CRK: variants seen among roughly 807,000 people sequenced by gnomAD.
The protein encoded by CRK is adapter molecule crk.
CRK carries 4 observed loss-of-function variants against 29.8 expected under a neutral mutation model. The ratio of observed to expected loss-of-function variants is 0.13; its 90% CI spans 0.07 to 0.31. The LOEUF (loss-of-function observed/expected upper bound fraction) is 0.31, where lower values mean the gene tolerates loss of function less well. Ranked by LOEUF, CRK falls within the 10% of genes least tolerant of loss-of-function variation. The pLI, the probability that CRK is intolerant of heterozygous loss-of-function variation, is 1.00. For synonymous variants in CRK, 153 were observed against 164.9 expected, an observed-to-expected ratio of 0.93 and a Z score of 0.55; for missense variants, 274 against 396.5, an observed-to-expected ratio of 0.69 and a Z score of 2.62.
chr17:1,441,597 C>T (rs1287026631), intron 1 of CRK, among the ~76,000 whole-genome samples: 1 of 150,924 alleles, frequency 6.6e-6, no homozygotes, highest in African/African-American at 2.4e-5. Context: ...GTTCAAGCAA[C>T]TCTCCTGCCT....
chr17:1,432,145 T>C (rs1207003906), intron 2 of CRK, among the ~76,000 whole-genome samples: 1 of 152,138 alleles, frequency 6.6e-6, no homozygotes, highest in Non-Finnish European at 1.5e-5. Context: ...AGGAGCTTCT[T>C]ACAGCTCTGT....
chr17:1,430,790 G>A (rs368209229), intron 2 of CRK, among the ~76,000 whole-genome samples: 7 of 151,860 alleles, frequency 4.6e-5, no homozygotes, highest in Non-Finnish European at 7.4e-5. Flanking sequence ...CCCTATGGCC[G>A]GGCGCTGTGG....
rs570101189 is a variant in CRK at position 1,421,754 on chromosome 17, G to C, written c.*1759C>G. 1.3e-5 allele frequency: 2 copies of C among 152,112 alleles called. No homozygotes were observed. The highest frequency in any genetic ancestry group is 1.3e-4 in the Admixed American group (2 of 15,246). 9.4% of individuals were successfully genotyped at this position (152,112 alleles called of 1,614,324 possible). A position where few individuals can be genotyped will look rare whatever the true frequency, so the allele number is the denominator to read the frequency against. On this transcript the variant is annotated 3_prime_UTR_variant, in exon 3 of 3. Transcript: ENST00000300574. ...CACTCGGACACCACAATCTGGTATA[G>C]GTTCAAAGAATGTAAATTTATCATT...
chr17:1,433,509 CTTTTTT>C (rs60236552), intron 2 of CRK, among the ~76,000 whole-genome samples: 1 of 58,594 alleles, frequency 1.7e-5, no homozygotes, highest in Non-Finnish European at 3.5e-5. Flanking sequence ...CCACGCCTGG[CTTTTTT>C]TTTTTTTTTT....
In CRK at chr17:1,425,754, C is replaced by T. The variant is rs1032460906; in HGVS notation, c.778-2104G>A. Reference sequence around the variant, plus strand: ...CTCACTTACAGATGGAACAGCTTGCCTATTGGCCCCTCTGTTGTTTCCTGA... The same window carrying T: ...CTCACTTACAGATGGAACAGCTTGCTTATTGGCCCCTCTGTTGTTTCCTGA... On this transcript the variant is annotated intron_variant, in intron 2 of 2. Coordinates refer to ENST00000300574, the MANE Select transcript of CRK (RefSeq NM_016823.4). Among the ~76,000 whole-genome samples, 6 of 152,196 alleles carry T rather than the reference C, an allele frequency of 3.9e-5. No individual in the cohort carries two copies. The East Asian group carries it at 7.7e-4, about 20-fold the overall frequency.
intron 1 of CRK, among the ~76,000 whole-genome samples, chr17:1,446,873 G>A (rs369947636): frequency 2.0e-5 from 3 of 152,102 alleles, no homozygotes; most frequent in Admixed American, 1.3e-4. Context: ...GATTACAGGC[G>A]TGAGCCACCA....
At chr17:1,446,117 T>C (rs2073972959) in intron 1 of CRK, among the ~76,000 whole-genome samples, 1 of 152,132 alleles carries the variant, frequency 6.6e-6, no homozygotes, top group African/African-American at 2.4e-5. Flanking sequence ...CTAAGCACAA[T>C]GCCTTCCTAG....
intron 2 of CRK, among the ~76,000 whole-genome samples, chr17:1,434,550 A>C (rs1325895231): frequency 6.6e-6 from 1 of 152,204 alleles, no homozygotes; most frequent in African/African-American, 2.4e-5. Context: ...TGGGAGGCTG[A>C]GGCGGGTGGA....
intron 1 of CRK, among the ~76,000 whole-genome samples, chr17:1,443,336 C>G (rs564233381): frequency 2.0e-4 from 31 of 152,206 alleles, no homozygotes; most frequent in African/African-American, 7.2e-4. Context: ...TCCCAAATAG[C>G]TGGGACTATA....
intron 2 of CRK, 28 bp downstream of exon 2, chr17:1,436,589 CTCT>C (rs1483126285): frequency 6.5e-7 from 1 of 1,539,664 alleles, no homozygotes; most frequent in African/African-American, 1.4e-5. Context: ...TGCAGCAGAT[CTCT>C]TCTTTCTACA....
At chr17:1,440,839 G>A (rs745613664) in intron 1 of CRK, among the ~76,000 whole-genome samples, 11 of 152,198 alleles carry the variant, frequency 7.2e-5, no homozygotes, top group Non-Finnish European at 1.3e-4. Flanking sequence ...AGGGAGTCAA[G>A]GCTACCGTGA....
rs370128419 is a variant in CRK, at chr17:1,437,388, G to C, written c.242-233C>G. 7.2e-5 allele frequency among the ~76,000 whole-genome samples: 11 copies of C among 151,836 alleles called. No individual in the cohort carries two copies. In the East Asian group the frequency reaches 1.9e-3, roughly 27 times the overall value. ...TTCATGCATGCCTCATACACATTTA[G>C]TCAAGATTTAATCAGCAAAAAAAAC... On this transcript the variant is annotated intron_variant, in intron 1 of 2. Transcript: ENST00000300574.
chr17:1,454,199 C>CA (rs1328694611), intron 1 of CRK, among the ~76,000 whole-genome samples: 2 of 151,856 alleles, frequency 1.3e-5, no homozygotes, highest in African/African-American at 4.8e-5. Context: ...GACTCCGTCT[C>CA]AAAATAAATA....
At chr17:1,446,478 C>T (rs2073975521) in intron 1 of CRK, among the ~76,000 whole-genome samples, 1 of 151,890 alleles carries the variant, frequency 6.6e-6, no homozygotes, top group Non-Finnish European at 1.5e-5. Context: ...CCAAGTCGCT[C>T]TGAAAGATGA....
At chr17:1,444,430 G>A (rs1306208155) in intron 1 of CRK, among the ~76,000 whole-genome samples, 1 of 152,170 alleles carries the variant, frequency 6.6e-6, no homozygotes, top group Non-Finnish European at 1.5e-5. Flanking sequence ...TTCGGAGGCT[G>A]AGGTGGATTG....
At chr17:1,447,465 C>T (rs541343589) in intron 1 of CRK, among the ~76,000 whole-genome samples, 11 of 152,218 alleles carry the variant, frequency 7.2e-5, no homozygotes, top group African/African-American at 2.4e-4. Flanking sequence ...AGGTTACGAC[C>T]ATTTTTACAA....
rs185435497 is a variant in CRK, at chr17:1,422,759, G to C, written c.*754C>G. 6.2e-4 allele frequency: 245 copies of C among 395,144 alleles called. 1 individual carries two copies. Among genetic ancestry groups the C allele is most frequent in the African/African-American group, 4.5e-3 (221 of 48,692 alleles). 24.5% of individuals were successfully genotyped at this position (395,144 alleles called of 1,614,324 possible). A position where few individuals can be genotyped will look rare whatever the true frequency, so the allele number is the denominator to read the frequency against. ...CCTTTTGGGGAAGGCAGAGAGCTGG[G>C]AGACTGGCTGTCCACTTAGTGAATC... On this transcript the variant is annotated 3_prime_UTR_variant, in exon 3 of 3. Coordinates refer to ENST00000300574, the MANE Select transcript of CRK (RefSeq NM_016823.4).
In CRK at chr17:1,444,455, G is replaced by T. The variant is rs1202925674; in HGVS notation, c.242-7300C>A. ...GAGGTGGATTGCTTGAACCTGGGAG[G>T]CGGAGCCTGCAGTGAGTCAAGACTG... is the stretch of plus-strand genomic sequence containing the variant. On this transcript the variant is annotated intron_variant, in intron 1 of 2. Coordinates refer to ENST00000300574, the MANE Select transcript of CRK (RefSeq NM_016823.4). Among the ~76,000 whole-genome samples, 4 of 152,240 alleles carry T rather than the reference G, an allele frequency of 2.6e-5. No individual in the cohort carries two copies. In the East Asian group the frequency reaches 7.7e-4, roughly 29 times the overall value.
intron 2 of CRK, among the ~76,000 whole-genome samples, chr17:1,430,786 G>A (rs939936930): frequency 6.6e-6 from 1 of 152,072 alleles, no homozygotes; most frequent in Admixed American, 6.6e-5. Flanking sequence ...TTAACCCTAT[G>A]GCCGGGCGCT....
Sources: allele counts gnomAD v4.1 joint callset (sites outside exome capture counted in the v4.1 genomes callset), GRCh38; gene constraint gnomAD v4.1.1; transcripts MANE v1.5; gene names NCBI Gene and HGNC (gene_info 2026-07-23, HGNC 2026-07-21).